DOCK3: variants seen among roughly 807,000 people sequenced by gnomAD.
DOCK3 encodes dedicator of cytokinesis protein 3.
A neutral mutation model predicts 265.6 loss-of-function variants in DOCK3; 60 were observed. The ratio of observed to expected loss-of-function variants is 0.23; its 90% CI spans 0.18 to 0.28. The LOEUF (loss-of-function observed/expected upper bound fraction) is 0.28. Among genes scored for constraint, DOCK3 ranks in the 10% least tolerant of loss-of-function variants. DOCK3 has a pLI of 1.00. For missense variants in DOCK3, 1,981 were observed against 2,594.3 expected, an observed-to-expected ratio of 0.76 and a Z score of 5.14; for synonymous variants, 881 against 938.0, an observed-to-expected ratio of 0.94 and a Z score of 1.11.
chr3:51,121,344 G>A (rs767264045), intron 9 of DOCK3, among the ~76,000 whole-genome samples: 6 of 152,140 alleles, frequency 3.9e-5, no homozygotes, highest in Non-Finnish European at 7.3e-5. Flanking sequence ...CAGTCCCAGT[G>A]AGATGAACCT....
intron 46 of DOCK3, among the ~76,000 whole-genome samples, chr3:51,360,285 T>TG (rs34379885): frequency 6.6e-6 from 1 of 152,218 alleles, no homozygotes; most frequent in Non-Finnish European, 1.5e-5. Flanking sequence ...GGAGTCAACC[T>TG]GGGGCCTCGC....
rs1004671473 is a variant in DOCK3 at position 50,841,787 on chromosome 3, A to C, written c.162+72A>C. The C allele has an allele frequency of 1.5e-5, 4 of 263,758 alleles. 1 individual carries two copies. The South Asian group carries it at 3.6e-4, about 24-fold the overall frequency. 16.3% of individuals were successfully genotyped at this position (263,758 alleles called of 1,614,324 possible). A position where few individuals can be genotyped will look rare whatever the true frequency, so the allele number is the denominator to read the frequency against. On this transcript the variant is annotated intron_variant, in intron 3 of 52. Coordinates refer to ENST00000266037, the MANE Select transcript of DOCK3 (RefSeq NM_004947.5). ...CCTTGTATGTTTGTTTGATATAACAACTCTTAGTGGTTCATCTTTTAATCT... is the reference window on the plus strand; with the variant it reads ...CCTTGTATGTTTGTTTGATATAACACCTCTTAGTGGTTCATCTTTTAATCT...
At chr3:50,766,002 CAT>C (rs752983094) in intron 1 of DOCK3, among the ~76,000 whole-genome samples, 14 of 152,234 alleles carry the variant, frequency 9.2e-5, no homozygotes, top group South Asian at 6.2e-4. Context: ...TAAAACTCCA[CAT>C]GAGTGAAATA....
intron 10 of DOCK3, among the ~76,000 whole-genome samples, chr3:51,150,980 T>C (rs888361080): frequency 1.4e-4 from 22 of 152,172 alleles, no homozygotes; most frequent in Non-Finnish European, 2.9e-4. Context: ...CTAAGTCTCT[T>C]TGTAGGTCTC....
At chr3:51,091,891 G>A (rs990112564) in intron 9 of DOCK3, among the ~76,000 whole-genome samples, 5 of 152,080 alleles carry the variant, frequency 3.3e-5, no homozygotes, top group African/African-American at 1.2e-4. Context: ...GCCTCACCTG[G>A]GAAGTGCAAG....
intron 5 of DOCK3, among the ~76,000 whole-genome samples, chr3:51,018,376 T>A (rs754709995): frequency 8.6e-5 from 13 of 150,664 alleles, no homozygotes; most frequent in Non-Finnish European, 1.5e-4. Flanking sequence ...GGCAGGTGGA[T>A]CACTTGAGTC....
intron 36 of DOCK3, 99 bp downstream of exon 36, chr3:51,338,518 C>T (rs2085015171): frequency 7.2e-7 from 1 of 1,383,892 alleles, no homozygotes; most frequent in Non-Finnish European, 1.0e-6. Context: ...GGCTGCAGGC[C>T]TAAGGGTTTG....
intron 38 of DOCK3, among the ~76,000 whole-genome samples, chr3:51,342,408 T>C (rs913918794): frequency 6.6e-6 from 1 of 152,192 alleles, no homozygotes; most frequent in African/African-American, 2.4e-5. Context: ...TGATCCACAA[T>C]GCTGACCCAA....
intron 13 of DOCK3, among the ~76,000 whole-genome samples, chr3:51,209,958 A>G (rs2089416729): frequency 1.3e-5 from 2 of 152,254 alleles, no homozygotes; most frequent in South Asian, 4.1e-4. Context: ...AGTGTGCTAA[A>G]TCTAGGCTAA....
intron 4 of DOCK3, among the ~76,000 whole-genome samples, chr3:50,916,670 G>C (rs143866066): frequency 6.6e-6 from 1 of 151,816 alleles, no homozygotes; most frequent in Non-Finnish European, 1.5e-5. Flanking sequence ...TTAGCTGGGT[G>C]TGGTGGCGGG....
intron 3 of DOCK3, among the ~76,000 whole-genome samples, chr3:50,844,364 T>A (rs1447611306): frequency 6.6e-6 from 1 of 152,062 alleles, no homozygotes; most frequent in Non-Finnish European, 1.5e-5. Flanking sequence ...TACAGGTGCA[T>A]AGCACCACAC....
At chr3:50,791,570 G>A (rs2042480883) in intron 2 of DOCK3, among the ~76,000 whole-genome samples, 1 of 152,070 alleles carries the variant, frequency 6.6e-6, no homozygotes, top group African/African-American at 2.4e-5. Context: ...CACTGCACTT[G>A]GCCAAATGTT....
chr3:50,878,656 T>C (rs935254097), intron 3 of DOCK3, among the ~76,000 whole-genome samples: 2 of 152,150 alleles, frequency 1.3e-5, no homozygotes, highest in Non-Finnish European at 2.9e-5. Context: ...GTCTGATTGG[T>C]GTACCTGAAA....
intron 1 of DOCK3, among the ~76,000 whole-genome samples, chr3:50,691,775 C>G (rs1391866330): frequency 6.6e-6 from 1 of 152,124 alleles, no homozygotes; most frequent in East Asian, 1.9e-4. Flanking sequence ...GAAGTGGTGT[C>G]TCATTGTGGT....
chr3:50,923,639 A>G (rs529686141), intron 4 of DOCK3, among the ~76,000 whole-genome samples: 111 of 152,372 alleles, frequency 7.3e-4, no homozygotes, highest in African/African-American at 2.6e-3. Context: ...AGTTAAATTT[A>G]TAAATATATA....
intron 12 of DOCK3, among the ~76,000 whole-genome samples, chr3:51,190,547 A>G (rs1269609548): frequency 6.6e-6 from 1 of 152,188 alleles, no homozygotes; most frequent in East Asian, 1.9e-4. Context: ...GAGGTAACAT[A>G]CAAGTTTTCT....
At chr3:50,714,672 A>G (rs1371163276) in intron 1 of DOCK3, among the ~76,000 whole-genome samples, 1 of 152,174 alleles carries the variant, frequency 6.6e-6, no homozygotes, top group Non-Finnish European at 1.5e-5. Flanking sequence ...GCTGGTCTCC[A>G]GCAGTCCTTC....
chr3:51,185,399 A>C (rs113540570), intron 12 of DOCK3, among the ~76,000 whole-genome samples: 6 of 152,188 alleles, frequency 3.9e-5, no homozygotes, highest in African/African-American at 1.4e-4. Flanking sequence ...TTTCTGTACT[A>C]AGGAGCAGAG....
At chr3:50,846,256 G>A (rs1403236253) in intron 3 of DOCK3, among the ~76,000 whole-genome samples, 1 of 152,154 alleles carries the variant, frequency 6.6e-6, no homozygotes, top group East Asian at 1.9e-4. Flanking sequence ...AGGTACTGTG[G>A]AGTAGAATGA....
Sources: gnomAD v4.1 joint callset for allele counts (sites outside exome capture counted in the v4.1 genomes callset) on GRCh38, gnomAD v4.1.1 for gene constraint, MANE v1.5 for transcripts, NCBI Gene and HGNC (gene_info 2026-07-23, HGNC 2026-07-21) for gene names.